FILIP1: variants seen among roughly 807,000 people sequenced by gnomAD.
The protein encoded by FILIP1 is filamin-A-interacting protein 1.
FILIP1 carries 61 observed loss-of-function variants against 102.1 expected under a neutral mutation model. That is an observed-to-expected ratio of 0.60 (90% CI 0.49 to 0.74). The LOEUF is 0.74. FILIP1 is among the 30% of genes least tolerant of loss of function. The probability of loss-of-function intolerance (pLI) is 0.00; values close to 1 mark genes in which losing one functional copy is unlikely to be tolerated. For missense variants in FILIP1, 1,314 were observed against 1,441.2 expected (o/e 0.91, Z 1.43); for synonymous variants, 491 against 526.9 (o/e 0.93, Z 0.93).
intron 3 of FILIP1, among the ~76,000 whole-genome samples, chr6:75,359,408 C>T (rs953926387): frequency 6.6e-6 from 1 of 152,060 alleles, no homozygotes; most frequent in Non-Finnish European, 1.5e-5. Context: ...GGCAGGACAG[C>T]GTCAGATAAG....
At chr6:75,455,521 G>GA (rs1778800627) in intron 1 of FILIP1, among the ~76,000 whole-genome samples, 3 of 152,086 alleles carry the variant, frequency 2.0e-5, no homozygotes, top group African/African-American at 7.2e-5. Context: ...AACCAAATTA[G>GA]AAAATGCAGG....
At chr6:75,299,801 C>G (rs1285205813) in intron 6 of FILIP1, among the ~76,000 whole-genome samples, 2 of 152,150 alleles carry the variant, frequency 1.3e-5, no homozygotes, top group Admixed American at 1.3e-4. Flanking sequence ...AACATATTGT[C>G]AATTCCTAAT....
At chr6:75,375,470 G>A (rs1236045325) in intron 2 of FILIP1, among the ~76,000 whole-genome samples, 1 of 152,164 alleles carries the variant, frequency 6.6e-6, no homozygotes, top group African/African-American at 2.4e-5. Flanking sequence ...AATGGCAAAT[G>A]CCAATATTAT....
chr6:75,431,285 A>G (rs897307811), intron 1 of FILIP1, among the ~76,000 whole-genome samples: 5 of 152,224 alleles, frequency 3.3e-5, no homozygotes, highest in African/African-American at 1.2e-4. Context: ...TAAGATGTAC[A>G]TAAACAGTAA....
chr6:75,429,637 T>A (rs1017114693), intron 1 of FILIP1, among the ~76,000 whole-genome samples: 1 of 152,080 alleles, frequency 6.6e-6, no homozygotes, highest in African/African-American at 2.4e-5. Context: ...AGCAGAGGCA[T>A]CAACAAATCT....
intron 1 of FILIP1, among the ~76,000 whole-genome samples, chr6:75,454,524 G>T (rs1778756044): frequency 6.6e-6 from 1 of 152,170 alleles, no homozygotes; most frequent in Non-Finnish European, 1.5e-5. Flanking sequence ...AGGAGTCAGA[G>T]ATTAAGGTGT....
chr6:75,438,046 C>G (rs1778083175), intron 1 of FILIP1, among the ~76,000 whole-genome samples: 1 of 152,236 alleles, frequency 6.6e-6, no homozygotes, highest in Non-Finnish European at 1.5e-5. Flanking sequence ...TGCATTATCT[C>G]TGTTACATTC....
At chr6:75,376,379 C>A (rs1427156590) in intron 2 of FILIP1, among the ~76,000 whole-genome samples, 1 of 152,142 alleles carries the variant, frequency 6.6e-6, no homozygotes, top group African/African-American at 2.4e-5. Context: ...AGCTACCTCA[C>A]AGATTTTTCA....
At chr6:75,442,077 C>T (rs1417210613) in intron 1 of FILIP1, among the ~76,000 whole-genome samples, 3 of 148,866 alleles carry the variant, frequency 2.0e-5, no homozygotes, top group Non-Finnish European at 3.0e-5. Context: ...ACTTCTCAGA[C>T]GGGGCGGCCG....
At chr6:75,321,650 C>G (rs1428158121) in intron 4 of FILIP1, among the ~76,000 whole-genome samples, 1 of 151,850 alleles carries the variant, frequency 6.6e-6, no homozygotes, top group African/African-American at 2.4e-5. Flanking sequence ...AAAAATTAGC[C>G]GGGCGCGGTG....
chr6:75,365,877 C>CT (rs1173562594), intron 2 of FILIP1, among the ~76,000 whole-genome samples: 1 of 152,124 alleles, frequency 6.6e-6, no homozygotes, highest in Non-Finnish European at 1.5e-5. Context: ...AAAGTTCTGT[C>CT]TTTTTTATGT....
chr6:75,441,482 A>C lies in FILIP1; in HGVS notation c.-6-26504T>G, dbSNP rs532801379. Among the ~76,000 whole-genome samples, 480 of 151,920 alleles carry C rather than the reference A, an allele frequency of 3.2e-3. 2 individuals are homozygous for C. Among genetic ancestry groups the C allele is most frequent in the African/African-American group, 0.011 (455 of 41,478 alleles). ...GCCATTGTCATCATGGCCCGTTCTC[A>C]ATGAGCTGTTGGGTACACCTCCCAG... On this transcript the variant is annotated intron_variant, in intron 1 of 5. Transcript: ENST00000237172.
At chr6:75,481,598 A>T (rs1181120894) in intron 1 of FILIP1, among the ~76,000 whole-genome samples, 1 of 152,112 alleles carries the variant, frequency 6.6e-6, no homozygotes, top group Non-Finnish European at 1.5e-5. Flanking sequence ...AATACCCTAT[A>T]ACCACATGTT....
intron 3 of FILIP1, chr6:75,362,046 C>G (rs1269915225): frequency 6.6e-6 from 1 of 152,154 alleles, no homozygotes; most frequent in East Asian, 1.9e-4. Context: ...TTTCTGTTCT[C>G]TTTTTTCATT....
At chr6:75,398,788 T>C (rs1776549329) in intron 2 of FILIP1, 1 of 152,192 alleles carries the variant, frequency 6.6e-6, no homozygotes. Flanking sequence ...AACTATCTTT[T>C]AAAAAGTTTT....
At chr6:75,319,777 C>A (rs1268479417) in intron 4 of FILIP1, 2 of 325,308 alleles carry the variant, frequency 6.1e-6, no homozygotes, top group Admixed American at 3.8e-5. Context: ...TTGCAGTGAG[C>A]TGAGATTGTG....
At chr6:75,360,213 G>T (rs1775130280) in intron 3 of FILIP1, among the ~76,000 whole-genome samples, 2 of 152,140 alleles carry the variant, frequency 1.3e-5, no homozygotes, top group Non-Finnish European at 2.9e-5. Flanking sequence ...TCAGTATCTG[G>T]TAGGAGTAAC....
intron 6 of FILIP1, among the ~76,000 whole-genome samples, chr6:75,299,899 A>C (rs929522888): frequency 6.6e-6 from 1 of 152,188 alleles, no homozygotes; most frequent in Non-Finnish European, 1.5e-5. Flanking sequence ...TGAGATCCAA[A>C]GCTGTGTGCA....
chr6:75,390,330 C>A (rs1776244125), intron 2 of FILIP1, among the ~76,000 whole-genome samples: 1 of 152,134 alleles, frequency 6.6e-6, no homozygotes, highest in South Asian at 2.1e-4. Context: ...TTAATTATAT[C>A]CTTTCTGTTA....
Sources: gnomAD v4.1 joint callset for allele counts (sites outside exome capture counted in the v4.1 genomes callset) on GRCh38, gnomAD v4.1.1 for gene constraint, MANE v1.5 for transcripts, NCBI Gene and HGNC (gene_info 2026-07-23, HGNC 2026-07-21) for gene names.